SPPL3: variants seen among roughly 807,000 people sequenced by gnomAD.
SPPL3 encodes signal peptide peptidase like 3, also known as signal peptide peptidase-like 3.
A neutral mutation model predicts 42.4 loss-of-function variants in SPPL3; 5 were observed. That is an observed-to-expected ratio of 0.12 (90% CI 0.06 to 0.25). SPPL3 has a LOEUF of 0.25. SPPL3 is among the 10% of genes least tolerant of loss of function. SPPL3 has a pLI of 1.00. For synonymous variants in SPPL3, 195 were observed against 181.8 expected, an observed-to-expected ratio of 1.07 and a Z score of -0.58; for missense variants, 235 against 489.0, an observed-to-expected ratio of 0.48 and a Z score of 4.90.
intron 6 of SPPL3, among the ~76,000 whole-genome samples, chr12:120,781,772 G>A (rs1869556105): frequency 1.3e-5 from 2 of 149,492 alleles, no homozygotes; most frequent in Admixed American, 1.3e-4. Context: ...GTAGAGACGG[G>A]GTCTCACCAT....
intron 1 of SPPL3, among the ~76,000 whole-genome samples, chr12:120,865,094 C>T (rs1437777982): frequency 6.6e-6 from 1 of 152,118 alleles, no homozygotes; most frequent in African/African-American, 2.4e-5. Flanking sequence ...TCAGGGATTT[C>T]CAGGGAAATA....
chr12:120,786,691 G>A (rs1246163409), intron 3 of SPPL3, among the ~76,000 whole-genome samples: 1 of 151,898 alleles, frequency 6.6e-6, no homozygotes, highest in Admixed American at 6.6e-5. Flanking sequence ...ACCAGGAGGC[G>A]ATGTCACAGG....
chr12:120,772,610 T>TG, intron 6 of SPPL3, among the ~76,000 whole-genome samples: 1 of 152,204 alleles, frequency 6.6e-6, no homozygotes, highest in Non-Finnish European at 1.5e-5. Flanking sequence ...ACAGATATAT[T>TG]TCATTTTCAT....
chr12:120,818,079 C>T (rs996371640), intron 1 of SPPL3, among the ~76,000 whole-genome samples: 1 of 152,152 alleles, frequency 6.6e-6, no homozygotes, highest in South Asian at 2.1e-4. Context: ...TCAGACTCTA[C>T]CAAAGCATCA....
intron 1 of SPPL3, among the ~76,000 whole-genome samples, chr12:120,871,171 A>G (rs1317422497): frequency 7.5e-5 from 11 of 147,258 alleles, no homozygotes; most frequent in African/African-American, 2.7e-4. Context: ...GGAGGTAAAC[A>G]GTGATGATGA....
intron 1 of SPPL3, among the ~76,000 whole-genome samples, chr12:120,851,133 C>T (rs1479655017): frequency 6.6e-6 from 1 of 152,104 alleles, no homozygotes; most frequent in African/African-American, 2.4e-5. Flanking sequence ...TAGATACTTA[C>T]CAGGTGTTAT....
intron 1 of SPPL3, among the ~76,000 whole-genome samples, chr12:120,899,585 T>C (rs1183660850): frequency 6.6e-6 from 1 of 152,038 alleles, no homozygotes; most frequent in Non-Finnish European, 1.5e-5. Context: ...CAGACAGAAC[T>C]GTAAGTATTA....
At chr12:120,786,477 G>A (rs1189184278) in intron 3 of SPPL3, among the ~76,000 whole-genome samples, 1 of 152,114 alleles carries the variant, frequency 6.6e-6, no homozygotes, top group African/African-American at 2.4e-5. Flanking sequence ...AGATTATACT[G>A]ATTCAAAGTA....
chr12:120,810,492 G>C (rs892356421), intron 2 of SPPL3, among the ~76,000 whole-genome samples: 9 of 150,504 alleles, frequency 6.0e-5, no homozygotes, highest in Admixed American at 1.3e-4. Flanking sequence ...TGTTCCCTTT[G>C]AGACTCTAGA....
chr12:120,837,197 T>A (rs768264454), intron 1 of SPPL3, among the ~76,000 whole-genome samples: 1 of 152,242 alleles, frequency 6.6e-6, no homozygotes, highest in Non-Finnish European at 1.5e-5. Context: ...GTACTAGCTA[T>A]ATTATTAATA....
intron 1 of SPPL3, among the ~76,000 whole-genome samples, chr12:120,885,201 T>C (rs1222409394): frequency 6.6e-6 from 1 of 152,204 alleles, no homozygotes; most frequent in Non-Finnish European, 1.5e-5. Context: ...AGTGTCAAAG[T>C]ATAAAATATT....
At chr12:120,820,833 C>A (rs907428920) in intron 1 of SPPL3, among the ~76,000 whole-genome samples, 1 of 151,924 alleles carries the variant, frequency 6.6e-6, no homozygotes, top group African/African-American at 2.4e-5. Context: ...TGGCTCACGC[C>A]TGTAATCCCA....
intron 1 of SPPL3, among the ~76,000 whole-genome samples, chr12:120,866,922 T>C (rs1023437963): frequency 2.0e-5 from 3 of 152,204 alleles, no homozygotes; most frequent in Non-Finnish European, 4.4e-5. Flanking sequence ...TTTCCTCAAA[T>C]AGATGTCCCT....
chr12:120,788,830 C>A (rs1165654012), intron 3 of SPPL3, among the ~76,000 whole-genome samples: 1 of 152,162 alleles, frequency 6.6e-6, no homozygotes, highest in Non-Finnish European at 1.5e-5. Context: ...CCCAGTTGTT[C>A]CACATTGTTA....
Position 120,816,100 on chromosome 12 carries a change from T to G in SPPL3, c.24-5214A>C, listed in dbSNP as rs538839612. Reference sequence around the variant, plus strand: ...TGCTGTGCTCCAGCCTCTGAGGAGCTGTAGCTACTGACTTTCTTCATAGTC... The same window carrying G: ...TGCTGTGCTCCAGCCTCTGAGGAGCGGTAGCTACTGACTTTCTTCATAGTC... On this transcript the variant is annotated intron_variant, in intron 1 of 10. Coordinates refer to ENST00000353487, the MANE Select transcript of SPPL3 (RefSeq NM_139015.5). 2.0e-5 allele frequency among the ~76,000 whole-genome samples: 3 copies of G among 152,288 alleles called. No homozygotes were observed. In the East Asian group the frequency reaches 5.8e-4, roughly 29 times the overall value.
At chr12:120,903,598 A>T in intron 1 of SPPL3, 1 of 462,498 alleles carries the variant, frequency 2.2e-6, no homozygotes. Context: ...CTCCGCCCAT[A>T]GCCAGATGAC....
At chr12:120,779,967 C>A in intron 6 of SPPL3, among the ~76,000 whole-genome samples, 1 of 149,398 alleles carries the variant, frequency 6.7e-6, no homozygotes. Flanking sequence ...CACTGCACTC[C>A]AGCCTGGGCA....
At chr12:120,823,434 G>C (rs913626102) in intron 1 of SPPL3, among the ~76,000 whole-genome samples, 5 of 152,054 alleles carry the variant, frequency 3.3e-5, no homozygotes, top group African/African-American at 1.2e-4. Flanking sequence ...TAACACTTCA[G>C]TCAATATCTT....
intron 1 of SPPL3, among the ~76,000 whole-genome samples, chr12:120,833,119 T>C (rs1264730223): frequency 1.3e-5 from 2 of 152,204 alleles, no homozygotes; most frequent in Non-Finnish European, 2.9e-5. Context: ...TAGCCCCTTC[T>C]GAAGAGGTAA....
Sources: gnomAD v4.1 joint callset for allele counts (sites outside exome capture counted in the v4.1 genomes callset) on GRCh38, gnomAD v4.1.1 for gene constraint, MANE v1.5 for transcripts, NCBI Gene and HGNC (gene_info 2026-07-23, HGNC 2026-07-21) for gene names.